Variants in ERAP1 observed in about 807,000 individuals in gnomAD.
The protein encoded by ERAP1 is endoplasmic reticulum aminopeptidase 1, also known as adipocyte-derived leucine aminopeptidase.
ERAP1 carries 86 observed loss-of-function variants against 103.7 expected under a neutral mutation model. The ratio of observed to expected loss-of-function variants is 0.83; its 90% confidence interval spans 0.70 to 0.99. ERAP1 has a LOEUF of 0.99. Among genes scored for constraint, ERAP1 ranks in the 50% least tolerant of loss-of-function variants. ERAP1 has a pLI of 0.00. For missense variants in ERAP1, 1,009 were observed against 1,128.4 expected (o/e 0.89, Z 1.52); for synonymous variants, 398 against 402.4 (o/e 0.99, Z 0.13).
the ERAP1 span, among the ~76,000 whole-genome samples, chr5:96,822,328 A>T: frequency 6.6e-6 from 1 of 152,212 alleles, no homozygotes; most frequent in Non-Finnish European, 1.5e-5. Context: ...AAGCCCAGAA[A>T]TCTAAATCAG....
chr5:96,850,027 GA>G, the ERAP1 span, among the ~76,000 whole-genome samples: 1 of 152,228 alleles, frequency 6.6e-6, no homozygotes, highest in East Asian at 1.9e-4. Context: ...ATGGCATTAG[GA>G]AAACTGGATA....
chr5:96,836,176 G>GT, the ERAP1 span, among the ~76,000 whole-genome samples: 21,532 of 106,578 alleles, frequency 0.2, 2,676 homozygotes, highest in South Asian at 0.23. Flanking sequence ...CACCTCTTTG[G>GT]TTTTTTTTTT....
the ERAP1 span, among the ~76,000 whole-genome samples, chr5:96,820,468 T>C: frequency 6.6e-6 from 1 of 152,206 alleles, no homozygotes; most frequent in Non-Finnish European, 1.5e-5. Flanking sequence ...AACAATATAC[T>C]TCAGATTTGA....
At chr5:96,771,360 C>A (rs944113462), downstream of ERAP1, among the ~76,000 whole-genome samples, 1 of 152,000 alleles carries the variant, frequency 6.6e-6, no homozygotes, top group African/African-American at 2.4e-5. Flanking sequence ...TGAAACATTG[C>A]CATTTAAGAA....
chr5:96,827,054 T>G, the ERAP1 span, among the ~76,000 whole-genome samples: 1 of 152,186 alleles, frequency 6.6e-6, no homozygotes, highest in African/African-American at 2.4e-5. Context: ...TTTTGAAACT[T>G]TTGTGACAAT....
chr5:96,914,148 T>TCTCACACACACACACACA, the ERAP1 span, among the ~76,000 whole-genome samples: 203 of 148,070 alleles, frequency 1.4e-3, 1 homozygote, highest in East Asian at 0.01. Context: ...TCTCTCTCTC[T>TCTCACACACACACACACA]CACACACACA....
the ERAP1 span, among the ~76,000 whole-genome samples, chr5:96,846,571 A>T: frequency 6.6e-6 from 1 of 152,170 alleles, no homozygotes; most frequent in African/African-American, 2.4e-5. Flanking sequence ...AATCTTGTTA[A>T]TGTGTAGATT....
the ERAP1 span, chr5:96,900,239 A>T: frequency 6.2e-7 from 1 of 1,610,010 alleles, no homozygotes. Flanking sequence ...GAATAGCCTG[A>T]CCTAGAGTGA....
intron 19 of ERAP1, chr5:96,768,038 G>A (rs1396947686): frequency 1.6e-6 from 2 of 1,220,154 alleles, no homozygotes; most frequent in African/African-American, 3.0e-5. Flanking sequence ...TGAAATGTGT[G>A]TGTGTGTATG....
the ERAP1 span, among the ~76,000 whole-genome samples, chr5:96,908,249 T>C: frequency 6.6e-6 from 1 of 152,308 alleles, no homozygotes; most frequent in East Asian, 1.9e-4. Context: ...GTGTGCAACA[T>C]AGCCTCCCAG....
chr5:96,783,308 G>A, intron 14 of ERAP1, 73 bp from the exon 15 acceptor site: 2 of 1,401,184 alleles, frequency 1.4e-6, no homozygotes, highest in Non-Finnish European at 1.9e-6. Flanking sequence ...ATCCATTATG[G>A]TCTCAGATGA....
rs1777450185 is a variant in ERAP1, at chr5:96,797,293, A to T, written c.680T>A (p.Val227Asp). ...ATGGTCTTCTATGAGTCCTTCAGCA[A>T]CAGTCACAGATTTCACCTAAAATCA... is the stretch of plus-strand genomic sequence containing the variant. The part of the protein sequence containing the change: ...SNMPLVKSVT[V>D]AEGLIEDHFD... Residue 227 changes from valine to aspartate, a missense_variant, in exon 4 of 19, where the codon GTT (valine) becomes GAT (aspartate). Val to Asp is a radical substitution (Grantham distance 152). Transcript: ENST00000443439. 2.5e-6 allele frequency: 4 copies of T among 1,614,078 alleles called. No individual in the cohort carries two copies. The highest frequency in any genetic ancestry group is 3.4e-6 in the Non-Finnish European group (4 of 1,180,026).
exon 20 of ERAP1, chr5:96,762,110 AG>A (rs1768171534): frequency 2.2e-6 from 1 of 451,892 alleles, no homozygotes; most frequent in South Asian, 5.9e-5. Flanking sequence ...ACAATAGAGA[AG>A]AAAGAATTTA....
At position 96,803,545 on chromosome 5, in the gene ERAP1, G is replaced by A; in HGVS notation, c.382C>T (p.Gln128Ter). The A allele has an allele frequency of 6.2e-7, 1 of 1,613,704 alleles. No individual in the cohort carries two copies. The highest frequency in any genetic ancestry group is 8.5e-7 in the Non-Finnish European group (1 of 1,179,626). Residue 128 changes from glutamine to a stop codon, truncating the protein, a stop_gained, in exon 2 of 19, where the codon CAG becomes TAG. Transcript: ENST00000443439. LOFTEE classifies it high-confidence loss of function. ...EPLQVLEHPR[Q>*]EQIALLAPEP... is the part of the protein sequence containing the mutation. ...GGAGCCAGCAGTGCAATTTGCTCCT[G>A]ACGGGGGTGTTCCAGGACCTGCAGG...
At chr5:96,857,680 A>T in the ERAP1 span, among the ~76,000 whole-genome samples, 50 of 152,344 alleles carry the variant, frequency 3.3e-4, no homozygotes, top group African/African-American at 1.1e-3. Flanking sequence ...TCCAGAGCCT[A>T]TATGCTGAAT....
chr5:96,891,529 T>TAG, the ERAP1 span, among the ~76,000 whole-genome samples: 1 of 41,944 alleles, frequency 2.4e-5, no homozygotes, highest in African/African-American at 1.1e-4. Context: ...CCATATACGG[T>TAG]ATATATACAC....
chr5:96,766,211 G>T, intron 19 of ERAP1: 1 of 863,588 alleles, frequency 1.2e-6, no homozygotes, highest in Admixed American at 1.9e-5. Flanking sequence ...AACCTCCCTT[G>T]AAATAAATAG....
chr5:96,889,280 T>C, the ERAP1 span: 1 of 1,614,050 alleles, frequency 6.2e-7, no homozygotes, highest in Non-Finnish European at 8.5e-7. Context: ...AGTACTTTGA[T>C]ATCTACTATC....
downstream of ERAP1, among the ~76,000 whole-genome samples, chr5:96,771,337 G>A (rs1310555636): frequency 6.6e-6 from 1 of 152,112 alleles, no homozygotes; most frequent in African/African-American, 2.4e-5. Flanking sequence ...GGAAAGGAAG[G>A]ATCACCACAG....
Sources: allele counts gnomAD v4.1 joint callset (sites outside exome capture counted in the v4.1 genomes callset), GRCh38; gene constraint gnomAD v4.1.1; transcripts MANE v1.5; gene names NCBI Gene and HGNC (gene_info 2026-07-23, HGNC 2026-07-21).